ZNF584: variants seen among roughly 807,000 people sequenced by gnomAD.
The protein encoded by ZNF584 is zinc finger protein 584.
Under a neutral mutation model 14.7 loss-of-function variants are expected in ZNF584, and 12 were observed. That is an observed-to-expected ratio of 0.82 (90% CI 0.52 to 1.32). The LOEUF (loss-of-function observed/expected upper bound fraction) is 1.32. ZNF584 is among the 40% of genes most tolerant of loss of function. The pLI, the probability that ZNF584 is intolerant of heterozygous loss-of-function variation, is 0.00. For missense variants in ZNF584, 478 were observed against 518.8 expected (o/e 0.92, Z 0.76); for synonymous variants, 204 against 190.9 (o/e 1.07, Z -0.57).
Position 58,410,010 on chromosome 19 carries a change from G to A in ZNF584, c.88G>A (p.Glu30Lys). 2 of 1,614,120 alleles carry A rather than the reference G, an allele frequency of 1.2e-6. No homozygotes were observed. Among genetic ancestry groups the A allele is most frequent in the Non-Finnish European group, 1.7e-6 (2 of 1,180,008 alleles). ...TGTGACGGTATATTTCTCCAGGGAG[G>A]AGTGGGGGCTCCTTAATGTGACCCA... ...EDVTVYFSRE[E>K]WGLLNVTQKG... Residue 30 changes from glutamate (E) to lysine (K), a missense_variant, in exon 2 of 4, where the codon GAG (glutamate) becomes AAG (lysine). By Grantham distance (56) the Glu-to-Lys change is moderately conservative. Transcript: ENST00000306910.
At chr19:58,414,534 G>T (rs1303482978) in intron 2 of ZNF584, among the ~76,000 whole-genome samples, 2 of 151,626 alleles carry the variant, frequency 1.3e-5, no homozygotes, top group African/African-American at 2.4e-5. Flanking sequence ...AGTAGAGATG[G>T]GGTTTCACTG....
chr19:58,410,665 GTA>G (rs1340444046), intron 2 of ZNF584, among the ~76,000 whole-genome samples: 1 of 10,396 alleles, frequency 9.6e-5, no homozygotes, highest in South Asian at 1.5e-3. Context: ...GTGTATATAT[GTA>G]TATATGTGTA....
intron 2 of ZNF584, among the ~76,000 whole-genome samples, chr19:58,414,404 T>C (rs1407291329): frequency 1.3e-5 from 2 of 151,928 alleles, no homozygotes; most frequent in Non-Finnish European, 2.9e-5. Context: ...AGTGGCGCGA[T>C]CTCAGCTCAC....
At chr19:58,409,862 T>G in intron 1 of ZNF584, 79 bp from the exon 2 acceptor site, 23 of 1,564,836 alleles carry the variant, frequency 1.5e-5, no homozygotes, top group Non-Finnish European at 1.8e-5. Context: ...GATAGGACCC[T>G]GAGATACAGG....
At position 58,408,949 on chromosome 19, in the gene ZNF584, G is replaced by A; in HGVS notation, c.-199G>A. The stretch of plus-strand genomic sequence containing the variant: ...TCCTCAGACTTATCGCTCGCGGACA[G>A]GCGCCGTGGGTCTCCCGGGCCTCCG... On this transcript the variant is annotated 5_prime_UTR_variant, in exon 1 of 4. Coordinates refer to ENST00000306910, the MANE Select transcript of ZNF584 (RefSeq NM_173548.3). 1 of 544,586 alleles carries A rather than the reference G, an allele frequency of 1.8e-6. No homozygotes were observed. Among genetic ancestry groups the A allele is most frequent in the African/African-American group, 2.0e-5 (1 of 50,522 alleles). 33.7% of individuals were successfully genotyped at this position (544,586 alleles called of 1,614,324 possible).
chr19:58,416,686 G>A, intron 3 of ZNF584, 125 bp from the exon 4 acceptor site: 2 of 1,253,974 alleles, frequency 1.6e-6, no homozygotes, highest in Non-Finnish European at 2.1e-6. Context: ...ACAGGCGTGA[G>A]CCACCACGCC....
intron 3 of ZNF584, chr19:58,415,989 T>A (rs769747376): frequency 1.3e-5 from 21 of 1,581,508 alleles, no homozygotes; most frequent in Non-Finnish European, 8.6e-6. Flanking sequence ...CACCAGCTAC[T>A]ATTTTGGAAT....
chr19:58,406,344 C>CGGGGGGGGGGGAGGGG (rs2052472891), upstream of ZNF584: 1 of 24,400 alleles, frequency 4.1e-5, no homozygotes, highest in Admixed American at 3.9e-4. Context: ...GTGGAAAGAG[C>CGGGGGGGGGGGAGGGG]GGGGGGGGGG....
rs1290876709 is a variant in ZNF584 at position 58,416,849 on chromosome 19, G to A, written c.331G>A (p.Glu111Lys). 8 of 1,577,010 alleles carry A rather than the reference G, an allele frequency of 5.1e-6. No individual in the cohort carries two copies. Among genetic ancestry groups the A allele is most frequent in the Non-Finnish European group, 6.9e-6 (8 of 1,163,094 alleles). The change falls in exon 4 of 4, where the codon GAG becomes AAG. Residue 111 changes from glutamate to lysine, a missense_variant. Glu to Lys is a moderately conservative substitution (Grantham distance 56). Coordinates refer to ENST00000306910, the MANE Select transcript of ZNF584 (RefSeq NM_173548.3). ...AGTGGAGGATGAGAGAGCCCATCCT[G>A]AGCATCTAAAGAGCTACAGAGTCAT... ...CRVEDERAHP[E>K]HLKSYRVIQH...
chr19:58,416,031 T>C, intron 3 of ZNF584: 1 of 1,473,652 alleles, frequency 6.8e-7, no homozygotes, highest in Admixed American at 2.0e-5. Flanking sequence ...ACATGCCTCC[T>C]CATAGTGCTT....
intron 2 of ZNF584, among the ~76,000 whole-genome samples, chr19:58,410,777 A>ATTTTTTTTT (rs1491122996): frequency 5.0e-4 from 4 of 8,080 alleles, no homozygotes; most frequent in Admixed American, 9.9e-4. Context: ...ATATATATAT[A>ATTTTTTTTT]ATTTTTTTTT....
Position 58,408,798 on chromosome 19 carries a change from C to A in ZNF584, c.-350C>A. ...CCGCAGTCCTCGGCGGGAAGGCTGT[C>A]CCGGCGCCTCAGGCAGCTCTGCGTG... On this transcript the variant is annotated 5_prime_UTR_variant, in exon 1 of 4. Coordinates refer to ENST00000306910, the MANE Select transcript of ZNF584 (RefSeq NM_173548.3). The A allele has an allele frequency of 4.0e-6, 1 of 247,516 alleles. No homozygotes were observed. The highest frequency in any genetic ancestry group is 7.8e-6 in the Non-Finnish European group (1 of 127,550). The allele number at this position is 247,516 out of a possible 1,614,324, so 15.3% of individuals were successfully genotyped here.
chr19:58,418,127 T>C lies in ZNF584; in HGVS notation c.*343T>C. 1 of 261,344 alleles carries C rather than the reference T, an allele frequency of 3.8e-6. No individual in the cohort carries two copies. Among genetic ancestry groups the C allele is most frequent in the South Asian group, 7.1e-5 (1 of 14,152 alleles). 16.2% of individuals were successfully genotyped at this position (261,344 alleles called of 1,614,324 possible). A position where few individuals can be genotyped will look rare whatever the true frequency, so the allele number is the denominator to read the frequency against. ...CAAAACAGGCCTCATTCCCTACCCT[T>C]GACTGGTTTAGCTGTGGACATGACC... On this transcript the variant is annotated 3_prime_UTR_variant, in exon 4 of 4. Coordinates refer to ENST00000306910, the MANE Select transcript of ZNF584 (RefSeq NM_173548.3).
In ZNF584 at chr19:58,417,526, G is replaced by C. The variant is rs747543909; in HGVS notation, c.1008G>C (p.Val336=). The C allele has an allele frequency of 6.2e-7, 1 of 1,614,164 alleles. No individual in the cohort carries two copies. The highest frequency in any genetic ancestry group is 8.5e-7 in the Non-Finnish European group (1 of 1,180,042). ...GCAAGCAATGTGGGAAAGGCTACGT[G>C]ACCCGTTCAGGCCTCTATCAGCACT... ...FECKQCGKGY[V]TRSGLYQHWK... Residue 336 remains valine, a synonymous_variant, in exon 4 of 4, where the codon GTG becomes GTC. Coordinates refer to ENST00000306910, the MANE Select transcript of ZNF584 (RefSeq NM_173548.3).
At chr19:58,415,107 A>T (rs570779579) in intron 2 of ZNF584, among the ~76,000 whole-genome samples, 1 of 151,884 alleles carries the variant, frequency 6.6e-6, no homozygotes, top group Non-Finnish European at 1.5e-5. Flanking sequence ...GTTAGCCAGG[A>T]TAGTCTTGAT....
At chr19:58,414,833 G>A (rs2052619660) in intron 2 of ZNF584, among the ~76,000 whole-genome samples, 1 of 151,998 alleles carries the variant, frequency 6.6e-6, no homozygotes, top group Non-Finnish European at 1.5e-5. Flanking sequence ...TTGCTGAACA[G>A]TCTGTTTCTT....
At position 58,417,918 on chromosome 19, in the gene ZNF584, T is replaced by C; in HGVS notation, c.*134T>C. 8.5e-7 allele frequency: 1 copy of C among 1,182,978 alleles called. No individual in the cohort carries two copies. The highest frequency in any genetic ancestry group is 1.2e-6 in the Non-Finnish European group (1 of 846,596). 73.3% of individuals were successfully genotyped at this position (1,182,978 alleles called of 1,614,324 possible). On this transcript the variant is annotated 3_prime_UTR_variant, in exon 4 of 4. Transcript: ENST00000306910. ...AGGGAGAGTTCCCGTGTGTGCCTGG[T>C]GTGTGGGACGCTTTCGGGAGCCACA... is the stretch of plus-strand genomic sequence containing the variant.
At chr19:58,404,150 A>G (rs200925494), upstream of ZNF584, 7 of 152,544 alleles carry the variant, frequency 4.6e-5, no homozygotes, top group East Asian at 1.9e-4. Context: ...TACTTAGCCT[A>G]TGGGAGACTC....
In ZNF584 at chr19:58,416,637, C is replaced by T. The variant is rs572527376; in HGVS notation, c.293-174C>T. On this transcript the variant is annotated intron_variant, in intron 3 of 3. Coordinates refer to ENST00000306910, the MANE Select transcript of ZNF584 (RefSeq NM_173548.3). ...GGCTGGTCTCGAACTCCTGACCTCA[C>T]GTGATCTGCCCGCCTTGGCCTCCCA... 93 of 649,128 alleles carry T rather than the reference C, an allele frequency of 1.4e-4. 1 individual carries two copies. In the East Asian group the frequency reaches 1.9e-3, roughly 14 times the overall value. The allele number at this position is 649,128 out of a possible 1,614,324, so 40.2% of individuals were successfully genotyped here. A position where few individuals can be genotyped will look rare whatever the true frequency, so the allele number is the denominator to read the frequency against.
Sources: gnomAD v4.1 joint callset for allele counts (sites outside exome capture counted in the v4.1 genomes callset) on GRCh38, gnomAD v4.1.1 for gene constraint, MANE v1.5 for transcripts, NCBI Gene and HGNC (gene_info 2026-07-23, HGNC 2026-07-21) for gene names.